The following KCNQ1 variants were observed in gnomAD, a reference collection of about 807,000 sequenced individuals.
The protein encoded by KCNQ1 is potassium voltage-gated channel subfamily Q member 1.
A neutral mutation model predicts 72.4 loss-of-function variants in KCNQ1; 49 were observed. The ratio of observed to expected loss-of-function variants is 0.68; its 90% CI spans 0.54 to 0.86. KCNQ1 has a LOEUF of 0.86. KCNQ1 is among the 40% of genes least tolerant of loss of function. The pLI is 0.00. For missense variants in KCNQ1, 790 were observed against 945.1 expected (o/e 0.84, Z 2.15); for synonymous variants, 450 against 412.6 (o/e 1.09, Z -1.10).
intron 11 of KCNQ1, among the ~76,000 whole-genome samples, chr11:2,763,002 T>C (rs980573046): frequency 6.6e-6 from 1 of 152,342 alleles, no homozygotes; most frequent in South Asian, 2.1e-4. Flanking sequence ...AAGATCGTCT[T>C]GGCTATTCTT....
rs902179112 is a variant in KCNQ1 at position 2,498,401 on chromosome 11, T to C, written c.387-29527T>C. Among the ~76,000 whole-genome samples the C allele has an allele frequency of 5.9e-5, 9 of 152,346 alleles. No homozygotes were observed. The highest frequency in any genetic ancestry group is 3.4e-3 in the Middle Eastern group (1 of 294). On this transcript the variant is annotated intron_variant, in intron 1 of 15. Transcript: ENST00000155840. The surrounding 1 kb of genome is among the most constrained non-coding windows in gnomAD (Gnocchi z 4.8). Reference sequence around the variant, plus strand: ...ATGCCCTGCCCAGTGAGGAGGAATCTAGAGAAGCAGTCTGGCCTCAGCTGC... The same window carrying C: ...ATGCCCTGCCCAGTGAGGAGGAATCCAGAGAAGCAGTCTGGCCTCAGCTGC...
At chr11:2,521,959 C>T (rs1486924905) in intron 1 of KCNQ1, among the ~76,000 whole-genome samples, 2 of 152,258 alleles carry the variant, frequency 1.3e-5, no homozygotes, top group African/African-American at 4.8e-5. Context: ...CCACCCAGGC[C>T]CGCTGCCTGC....
At position 2,808,858 on chromosome 11, in the gene KCNQ1, A is replaced by AG. The variant is rs1260567095; in HGVS notation, c.1794+30824dup. Among the ~76,000 whole-genome samples, 3 of 152,082 alleles carry AG rather than the reference A, an allele frequency of 2.0e-5. No individual in the cohort carries two copies. Among genetic ancestry groups the AG allele is most frequent in the African/African-American group, 7.2e-5 (3 of 41,390 alleles). On this transcript the variant is annotated intron_variant, in intron 15 of 15. Transcript: ENST00000155840. The surrounding 1 kb of genome is among the most constrained non-coding windows in gnomAD (Gnocchi z 6.0). ...AGATTGTTGTATGGAGGATTAGGGG[A>AG]GGGATAAATGGATGGATGGATGAAC...
intron 10 of KCNQ1, chr11:2,632,563 T>C (rs1411057154): frequency 7.5e-6 from 3 of 398,246 alleles, no homozygotes; most frequent in Non-Finnish European, 8.9e-6. Flanking sequence ...TAGATATTTA[T>C]GGGATATACA....
At chr11:2,802,066 G>T (rs1001219092) in intron 15 of KCNQ1, among the ~76,000 whole-genome samples, 1 of 152,372 alleles carries the variant, frequency 6.6e-6, no homozygotes, top group East Asian at 1.9e-4. Context: ...GCGGGGCGCG[G>T]TGGGCACATT....
rs993882471 is a variant in KCNQ1, at chr11:2,508,824, C to T, written c.387-19104C>T. Among the ~76,000 whole-genome samples the T allele has an allele frequency of 3.9e-5, 6 of 152,212 alleles. No homozygotes were observed. Among genetic ancestry groups the T allele is most frequent in the Non-Finnish European group, 8.8e-5 (6 of 68,024 alleles). ...TGCTCTCATACAGGCTTGAGGAGGG[C>T]TAAGGAAAGTCACAGTTGAATGCAT... On this transcript the variant is annotated intron_variant, in intron 1 of 15. Transcript: ENST00000155840. This position sits in a 1 kb window ranked among gnomAD's most constrained non-coding sequence, Gnocchi z 6.2.
At chr11:2,721,479 T>C (rs955870780) in intron 11 of KCNQ1, among the ~76,000 whole-genome samples, 2 of 152,190 alleles carry the variant, frequency 1.3e-5, no homozygotes, top group Non-Finnish European at 2.9e-5. Context: ...GAGGGGCAGG[T>C]CCAGGGATGT....
At chr11:2,686,047 G>A in intron 11 of KCNQ1, 2 of 399,520 alleles carry the variant, frequency 5.0e-6, no homozygotes, top group Non-Finnish European at 4.4e-6. Flanking sequence ...CGCACCATCT[G>A]ATGGGGCAGG....
intron 2 of KCNQ1, among the ~76,000 whole-genome samples, chr11:2,532,183 C>T (rs1847646640): frequency 6.6e-6 from 1 of 152,152 alleles, no homozygotes; most frequent in African/African-American, 2.4e-5. Context: ...GGGAGGCTCA[C>T]AAGCATCTGT....
chr11:2,773,146 T>C (rs1027291386), intron 12 of KCNQ1, among the ~76,000 whole-genome samples: 1 of 151,612 alleles, frequency 6.6e-6, no homozygotes, highest in Non-Finnish European at 1.5e-5. Context: ...ATCTCCATCA[T>C]ACAGAAGGGA....
At chr11:2,760,688 G>A (rs1006974378) in intron 11 of KCNQ1, among the ~76,000 whole-genome samples, 4 of 152,206 alleles carry the variant, frequency 2.6e-5, no homozygotes, top group East Asian at 1.9e-4. Flanking sequence ...CTTCCTTCAC[G>A]GCCCAGTGAG....
At chr11:2,800,152 G>A (rs921262348) in intron 15 of KCNQ1, among the ~76,000 whole-genome samples, 1 of 152,188 alleles carries the variant, frequency 6.6e-6, no homozygotes, top group African/African-American at 2.4e-5. Flanking sequence ...AGAGCCCACA[G>A]CCCCACCCAA....
chr11:2,731,132 G>A (rs1845852545), intron 11 of KCNQ1, among the ~76,000 whole-genome samples: 2 of 152,236 alleles, frequency 1.3e-5, no homozygotes, highest in South Asian at 4.1e-4. Flanking sequence ...GTTCACGGCA[G>A]GGGCTGCGTT....
chr11:2,689,447 G>C (rs1161888846), intron 11 of KCNQ1: 1 of 398,674 alleles, frequency 2.5e-6, no homozygotes, highest in Admixed American at 4.4e-5. Flanking sequence ...GCCTTGGAAT[G>C]ACACTCCCAG....
intron 10 of KCNQ1, chr11:2,637,750 G>C (rs553612477): frequency 6.6e-6 from 1 of 152,044 alleles, no homozygotes; most frequent in East Asian, 1.9e-4. Context: ...GTTAACTTCC[G>C]GTCTTGTTGA....
chr11:2,689,283 C>T (rs1416091146), intron 11 of KCNQ1: 1 of 398,608 alleles, frequency 2.5e-6, no homozygotes, highest in Non-Finnish European at 4.4e-6. Flanking sequence ...GCACAGATAT[C>T]TCCCACTCCA....
intron 12 of KCNQ1, among the ~76,000 whole-genome samples, chr11:2,773,016 A>G (rs1353894680): frequency 6.6e-6 from 1 of 152,196 alleles, no homozygotes; most frequent in Non-Finnish European, 1.5e-5. Flanking sequence ...TGGCTCTGGC[A>G]TGGTGCTGGC....
At chr11:2,575,996 C>T (rs905901868) in intron 6 of KCNQ1, among the ~76,000 whole-genome samples, 6 of 152,238 alleles carry the variant, frequency 3.9e-5, no homozygotes, top group Admixed American at 1.3e-4. Context: ...GGTGTGCGGC[C>T]GCCTCTTTCC....
intron 2 of KCNQ1, among the ~76,000 whole-genome samples, chr11:2,558,797 G>A (rs920576640): frequency 1.3e-5 from 2 of 152,158 alleles, no homozygotes; most frequent in Non-Finnish European, 2.9e-5. Context: ...CTCCATGGGT[G>A]GGCAGCCTTC....
Sources: gnomAD v4.1 joint callset for allele counts (sites outside exome capture counted in the v4.1 genomes callset) on GRCh38, gnomAD v4.1.1 for gene constraint, Gnocchi (gnomAD v3.1) non-coding constraint, MANE v1.5 for transcripts, NCBI Gene and HGNC (gene_info 2026-07-23, HGNC 2026-07-21) for gene names.